The following INPP5D variants were observed in gnomAD, a reference collection of about 807,000 sequenced individuals.
INPP5D encodes phosphatidylinositol 3,4,5-trisphosphate 5-phosphatase 1.
A neutral mutation model predicts 122.9 loss-of-function variants in INPP5D; 33 were observed. That is an observed-to-expected ratio of 0.27 (90% CI 0.20 to 0.36). INPP5D has a LOEUF of 0.36. Ranked by LOEUF, INPP5D falls within the 10% of genes least tolerant of loss-of-function variation. The pLI, the probability that INPP5D is intolerant of heterozygous loss-of-function variation, is 1.00. For missense variants in INPP5D, 1,053 were observed against 1,412.7 expected (o/e 0.75, Z 4.08); for synonymous variants, 584 against 576.2 (o/e 1.01, Z -0.19).
At chr2:233,185,797 G>A (rs765360021) in intron 20 of INPP5D, 46 bp from the exon 21 acceptor site, 1 of 1,549,672 alleles carries the variant, frequency 6.5e-7, no homozygotes, top group Middle Eastern at 1.7e-4. Context: ...TTTCTGTCTG[G>A]TTCTTGCTCT....
At chr2:233,134,028 G>T (rs1559311090) in intron 5 of INPP5D, 2 of 456,090 alleles carry the variant, frequency 4.4e-6, no homozygotes, top group Non-Finnish European at 4.4e-6. Flanking sequence ...CATGGCAAAG[G>T]TGTCAGATTT....
intron 23 of INPP5D, among the ~76,000 whole-genome samples, chr2:233,194,959 C>G (rs1456655427): frequency 6.6e-6 from 1 of 151,960 alleles, no homozygotes; most frequent in Non-Finnish European, 1.5e-5. Context: ...CCACCACTGG[C>G]TAATTTTTGT....
chr2:233,162,507 A>G (rs1197635830), intron 11 of INPP5D, among the ~76,000 whole-genome samples: 1 of 126,988 alleles, frequency 7.9e-6, no homozygotes, highest in Non-Finnish European at 1.9e-5. Context: ...TATTAAACAT[A>G]TATATTGTGT....
At chr2:233,130,700 G>A (rs761111248) in intron 5 of INPP5D, 52 bp downstream of exon 5, 1 of 1,602,014 alleles carries the variant, frequency 6.2e-7, no homozygotes, top group South Asian at 1.1e-5. Flanking sequence ...CCAGGTGAGA[G>A]AAACAGCTCA....
At position 233,110,720 on chromosome 2, in the gene INPP5D, G is replaced by A. The variant is rs546007341; in HGVS notation, c.199-11387G>A. On this transcript the variant is annotated intron_variant, in intron 2 of 26. Coordinates refer to ENST00000445964, the MANE Select transcript of INPP5D (RefSeq NM_001017915.3). ...GTGGATCACCTGAGGTCAGGAGTTC[G>A]AGACCAGCCTGGCCAACATGTAGTG... Among the ~76,000 whole-genome samples, 71 of 152,250 alleles carry A rather than the reference G, an allele frequency of 4.7e-4. No individual in the cohort carries two copies. The South Asian group carries it at 0.014, about 30-fold the overall frequency.
Position 233,167,276 on chromosome 2 carries a change from TGGGA to T in INPP5D, c.1556-2026_1556-2023del, listed in dbSNP as rs1429454846. The stretch of plus-strand genomic sequence containing the variant: ...GGCCCAGCTACTCAGGAGGCTGAGG[TGGGA>T]GGATCACTTAAATCTGGGAGGTCAA... On this transcript the variant is annotated intron_variant, in intron 13 of 26. Coordinates refer to ENST00000445964, the MANE Select transcript of INPP5D (RefSeq NM_001017915.3). Among the ~76,000 whole-genome samples, 244 of 142,022 alleles carry T rather than the reference TGGGA, an allele frequency of 1.7e-3. 3 individuals are homozygous for T. The highest frequency in any genetic ancestry group is 1.6e-3 in the South Asian group (7 of 4,424). 93.2% of individuals were successfully genotyped at this position (142,022 alleles called of 152,430 possible). A position where few individuals can be genotyped will look rare whatever the true frequency, so the allele number is the denominator to read the frequency against.
At chr2:233,087,097 AT>A (rs1691872797) in intron 2 of INPP5D, among the ~76,000 whole-genome samples, 1 of 152,138 alleles carries the variant, frequency 6.6e-6, no homozygotes, top group Admixed American at 6.5e-5. Context: ...TTCGCTTCTC[AT>A]CTTGACTTTG....
rs1691034950 is a variant in INPP5D, at chr2:233,060,437, T to TG, written c.-37dup. On this transcript the variant is annotated 5_prime_UTR_variant, in exon 1 of 27. Transcript: ENST00000445964. ...GCTCCCCTCGGTGGTGTGTGGGTCC[T>TG]GGGGGTGCCTGCCGGCCCGGCCGAG... The TG allele has an allele frequency of 6.4e-7, 1 of 1,554,708 alleles. No individual in the cohort carries two copies. The highest frequency in any genetic ancestry group is 1.4e-5 in the African/African-American group (1 of 73,630).
chr2:233,088,744 C>T (rs926526534), intron 2 of INPP5D, among the ~76,000 whole-genome samples: 3 of 152,202 alleles, frequency 2.0e-5, no homozygotes, highest in Non-Finnish European at 4.4e-5. Flanking sequence ...GGGCAGAGGC[C>T]CCGGCCCATG....
chr2:233,087,768 C>T (rs1691890744), intron 2 of INPP5D, among the ~76,000 whole-genome samples: 1 of 152,216 alleles, frequency 6.6e-6, no homozygotes, highest in Non-Finnish European at 1.5e-5. Flanking sequence ...GAAAGTGCTA[C>T]AGGTTTCACT....
At chr2:233,138,138 G>A (rs758683688) in intron 5 of INPP5D, among the ~76,000 whole-genome samples, 66 of 150,584 alleles carry the variant, frequency 4.4e-4, no homozygotes, top group Non-Finnish European at 8.0e-4. Flanking sequence ...GATCACCTGA[G>A]GTCAGGAGTT....
At position 233,206,205 on chromosome 2, in the gene INPP5D, TAGA is replaced by T. The variant is rs768700092; in HGVS notation, c.3568-498_3568-496del. 6.6e-6 allele frequency among the ~76,000 whole-genome samples: 1 copy of T among 152,122 alleles called. No homozygotes were observed. The highest frequency in any genetic ancestry group is 1.5e-5 in the Non-Finnish European group (1 of 68,036). ...GTTAATAGTACCTACCTCATAGACT[TAGA>T]AGGAGAATTGCATTGTAGGCTATTA... On this transcript the variant is annotated intron_variant, in intron 26 of 26. Coordinates refer to ENST00000445964, the MANE Select transcript of INPP5D (RefSeq NM_001017915.3). This position sits in a 1 kb window ranked among gnomAD's most constrained non-coding sequence, Gnocchi z 4.0.
chr2:233,146,057 C>A (rs966068716), intron 6 of INPP5D, 105 bp from the exon 7 acceptor site: 1 of 703,242 alleles, frequency 1.4e-6, no homozygotes, highest in East Asian at 2.7e-5. Context: ...TGTGGGGCTG[C>A]GGGGAGGCTG....
chr2:233,155,036 G>C (rs963201835), intron 9 of INPP5D, among the ~76,000 whole-genome samples: 1 of 152,056 alleles, frequency 6.6e-6, no homozygotes, highest in Non-Finnish European at 1.5e-5. Flanking sequence ...GGAGAGATCA[G>C]ATTCTACAGA....
rs1382188962 is a variant in INPP5D, at chr2:233,197,499, C to T, written c.2694-596C>T. On this transcript the variant is annotated intron_variant, in intron 24 of 26. Transcript: ENST00000445964. The surrounding 1 kb of genome is among the most constrained non-coding windows in gnomAD (Gnocchi z 4.4). ...CCCACCATCTCTCTGCCCTGCCAGC[C>T]TTGCCAGCTTCTCATTCCATCCTCT... is the stretch of plus-strand genomic sequence containing the variant. 6.6e-6 allele frequency among the ~76,000 whole-genome samples: 1 copy of T among 152,158 alleles called. No individual in the cohort carries two copies. The highest frequency in any genetic ancestry group is 1.5e-5 in the Non-Finnish European group (1 of 68,022).
chr2:233,175,204 C>T (rs190491334), intron 17 of INPP5D, among the ~76,000 whole-genome samples: 4 of 99,436 alleles, frequency 4.0e-5, no homozygotes, highest in South Asian at 4.0e-4. Flanking sequence ...AGCAACAGGG[C>T]GAGACTCCAT....
At chr2:233,194,043 G>T (rs1250998147) in intron 23 of INPP5D, 82 bp downstream of exon 23, 21 of 1,461,862 alleles carry the variant, frequency 1.4e-5, no homozygotes, top group Non-Finnish European at 1.8e-5. Flanking sequence ...CAAAGCTGTC[G>T]AATATGCTCT....
intron 1 of INPP5D, among the ~76,000 whole-genome samples, chr2:233,076,930 C>T (rs745678696): frequency 1.1e-4 from 16 of 152,270 alleles, no homozygotes; most frequent in Non-Finnish European, 1.3e-4. Flanking sequence ...AAGGCCACAA[C>T]TTCATTGGAA....
At chr2:233,184,751 C>G (rs11686233) in intron 20 of INPP5D, among the ~76,000 whole-genome samples, 28,308 of 152,098 alleles carry the variant, frequency 0.19, 3,010 homozygotes, top group African/African-American at 0.29. Flanking sequence ...AATGTACTGA[C>G]CCCCCAGTCC....
Sources: gnomAD v4.1 joint callset for allele counts (sites outside exome capture counted in the v4.1 genomes callset) on GRCh38, gnomAD v4.1.1 for gene constraint, Gnocchi (gnomAD v3.1) non-coding constraint, MANE v1.5 for transcripts, NCBI Gene and HGNC (gene_info 2026-07-23, HGNC 2026-07-21) for gene names.